ACADVL: variants seen among roughly 807,000 people sequenced by gnomAD.
ACADVL encodes the protein very long-chain acyl-CoA dehydrogenase, mitochondrial.
In ACADVL, 73 loss-of-function variants were observed where a neutral mutation model predicts 80.4. The observed-to-expected ratio is 0.91, with a 90% CI of 0.75 to 1.10. ACADVL has a LOEUF of 1.10. Ranked by LOEUF, ACADVL falls within the 50% of genes least tolerant of loss-of-function variation. ACADVL has a pLI of 0.00. For missense variants in ACADVL, 878 were observed against 858.9 expected, an observed-to-expected ratio of 1.02 and a Z score of -0.28; for synonymous variants, 392 against 326.5, an observed-to-expected ratio of 1.20 and a Z score of -2.16.
Position 7,223,943 on chromosome 17 carries a change from TATA to T in ACADVL, c.1333-22_1333-20del, listed in dbSNP as rs1396789388. ...GGGTAGGCACATCTCAGCACGGGCA[TATA>T]ATTTGTGTGGCCCTGTGCTAGGAAC... On this transcript the variant is annotated intron_variant, in intron 13 of 19. Coordinates refer to ENST00000356839, the MANE Select transcript of ACADVL (RefSeq NM_000018.4). 1.9e-6 allele frequency: 3 copies of T among 1,613,536 alleles called. No individual in the cohort carries two copies. In the East Asian group the frequency reaches 6.7e-5, roughly 36 times the overall value.
At chr17:7,221,515 C>T in intron 6 of ACADVL, 23 bp from the exon 7 acceptor site, 1 of 1,613,924 alleles carries the variant, frequency 6.2e-7, no homozygotes, top group Non-Finnish European at 8.5e-7. Context: ...AGTGACAACC[C>T]CAGATTCCTG....
At chr17:7,217,589 G>C, upstream of ACADVL, 11 of 1,402,070 alleles carry the variant, frequency 7.8e-6, no homozygotes, top group East Asian at 8.2e-5. Flanking sequence ...CAGCGGCCGA[G>C]GGAGCCGTGG....
intron 11 of ACADVL, 93 bp from the exon 12 acceptor site, chr17:7,223,551 G>A: frequency 7.3e-7 from 1 of 1,366,110 alleles, no homozygotes; most frequent in Non-Finnish European, 1.0e-6. Context: ...GACAAGCTAG[G>A]TCAGCCCTTA....
rs1285117129 is a variant in ACADVL, at chr17:7,220,137, G to C, written c.78G>C (p.Ala26=). 2 of 1,558,124 alleles carry C rather than the reference G, an allele frequency of 1.3e-6. No individual in the cohort carries two copies. Among genetic ancestry groups the C allele is most frequent in the Non-Finnish European group, 1.7e-6 (2 of 1,159,404 alleles). The change falls in exon 2 of 20, where the codon GCG becomes GCC. Residue 26 remains alanine (A), a synonymous_variant. Transcript: ENST00000356839. ...RLGGGSSRLT[A]LLGQPRPGPA... ...CTCCCCACAGCTCGCGGCTCACGGC[G>C]CTCCTGGGGCAGCCCCGGCCCGGCC...
rs2142980883 is a variant in ACADVL, at chr17:7,222,864, CGG to C, written c.1077_1077+1del. ...ACCATGAGAGGCATCATTGCTAAGG[CGG>C]TGAGTACCCTGCCCGAGTCCCTAGG... On this transcript the variant is annotated splice_donor_variant and coding_sequence_variant, in exon 10 of 20. Coordinates refer to ENST00000356839, the MANE Select transcript of ACADVL (RefSeq NM_000018.4). LOFTEE classifies it high-confidence loss of function. The C allele has an allele frequency of 2.5e-6, 4 of 1,611,174 alleles. No individual in the cohort carries two copies. The highest frequency in any genetic ancestry group is 1.7e-5 in the Admixed American group (1 of 60,018).
Position 7,224,182 on chromosome 17 carries a change from C to G in ACADVL, c.1471C>G (p.Leu491Val), listed in dbSNP as rs775797560. 6.2e-7 allele frequency: 1 copy of G among 1,614,062 alleles called. No individual in the cohort carries two copies. The highest frequency in any genetic ancestry group is 1.1e-5 in the South Asian group (1 of 91,070). Reference sequence around the variant, plus strand: ...GGAGCTCTCTGGGCTTGGCAGTGCTCTAAAGAATCCCTTTGGGAATGCTGG... The same window carrying G: ...GGAGCTCTCTGGGCTTGGCAGTGCTGTAAAGAATCCCTTTGGGAATGCTGG... ...GKELSGLGSA[L>V]KNPFGNAGLL... The change falls in exon 15 of 20, where the codon CTA becomes GTA. Residue 491 changes from leucine (L) to valine (V), a missense_variant. By Grantham distance (32) the Leu-to-Val change is conservative (BLOSUM62 1). Coordinates refer to ENST00000356839, the MANE Select transcript of ACADVL (RefSeq NM_000018.4).
At chr17:7,223,363 C>A in intron 11 of ACADVL, 126 bp downstream of exon 11, 1 of 949,864 alleles carries the variant, frequency 1.1e-6, no homozygotes, top group Non-Finnish European at 1.7e-6. Context: ...CTAGGGGATG[C>A]GGGGAGGCAT....
upstream of ACADVL, chr17:7,217,360 T>C (rs1597506471): frequency 5.7e-6 from 1 of 175,308 alleles, no homozygotes; most frequent in East Asian, 3.0e-4. Flanking sequence ...TAAAAGGGGC[T>C]CCCCAGTGGA....
rs2071178767 is a variant in ACADVL, at chr17:7,220,896, T to A, written c.343-28T>A. ...GGAGATGTTAAGCTCAAAAGGAGCCTGGATGTGGGATCCTGTGCCTTCCCC... is the reference window on the plus strand; with the variant it reads ...GGAGATGTTAAGCTCAAAAGGAGCCAGGATGTGGGATCCTGTGCCTTCCCC... On this transcript the variant is annotated intron_variant, in intron 5 of 19. Coordinates refer to ENST00000356839, the MANE Select transcript of ACADVL (RefSeq NM_000018.4). 2.5e-6 allele frequency: 4 copies of A among 1,613,950 alleles called. No individual in the cohort carries two copies. The African/African-American group carries it at 5.3e-5, about 22-fold the overall frequency.
At position 7,220,467 on chromosome 17, in the gene ACADVL, G is replaced by GCT. The variant is rs1567560601; in HGVS notation, c.145_146dup (p.Asp50TrpfsTer12). On this transcript the variant is annotated frameshift_variant, in exon 3 of 20. Transcript: ENST00000356839. LOFTEE classifies it high-confidence loss of function. ...TGCTAACCGTCTCTTTTCCCAGCTG[G>GCT]CTCTGGACAAGTCAGATTCCCACCC... 3 of 1,614,214 alleles carry GCT rather than the reference G, an allele frequency of 1.9e-6. No individual in the cohort carries two copies. In the South Asian group the frequency reaches 3.3e-5, roughly 18 times the overall value.
upstream of ACADVL, chr17:7,217,604 G>T: frequency 7.3e-7 from 1 of 1,378,200 alleles, no homozygotes; most frequent in Non-Finnish European, 9.5e-7. Flanking sequence ...CCGTGGAGCC[G>T]AAGAGGGAAG....
upstream of ACADVL, chr17:7,217,205 T>C: frequency 7.9e-7 from 1 of 1,261,514 alleles, no homozygotes; most frequent in South Asian, 3.5e-5. Context: ...GGAGTTTCGT[T>C]CCTCCCCTCC....
At chr17:7,223,530 C>A in intron 11 of ACADVL, 114 bp from the exon 12 acceptor site, 1 of 1,155,874 alleles carries the variant, frequency 8.7e-7, no homozygotes, top group Non-Finnish European at 1.3e-6. Flanking sequence ...GAACAAGTAT[C>A]TGCCTGACCT....
rs761849960 is a variant in ACADVL at position 7,222,733 on chromosome 17, A to G, written c.945A>G (p.Val315=). Residue 315 remains valine, a synonymous_variant, in exon 10 of 20, where the codon GTA becomes GTG. Coordinates refer to ENST00000356839, the MANE Select transcript of ACADVL (RefSeq NM_000018.4). ...SNTAEVFFDG[V]RVPSENVLGE... is the part of the protein sequence containing the mutation. ...CAGCAGAGGTGTTCTTTGATGGAGTACGGGTGCCATCGGAGAACGTGCTGG... is the reference window on the plus strand; with the variant it reads ...CAGCAGAGGTGTTCTTTGATGGAGTGCGGGTGCCATCGGAGAACGTGCTGG... The G allele has an allele frequency of 3.1e-6, 5 of 1,614,102 alleles. No individual in the cohort carries two copies. The East Asian group carries it at 1.1e-4, about 36-fold the overall frequency.
upstream of ACADVL, chr17:7,218,229 C>T: frequency 6.2e-7 from 1 of 1,606,682 alleles, no homozygotes; most frequent in South Asian, 1.1e-5. Context: ...GCGCTCGCCC[C>T]CACCTCCTTA....
upstream of ACADVL, chr17:7,218,405 C>T (rs1394382428): frequency 2.9e-6 from 4 of 1,384,694 alleles, no homozygotes; most frequent in African/African-American, 1.4e-5. Flanking sequence ...CTGGTCCACA[C>T]TCATGGAGGA....
Position 7,224,950 on chromosome 17 carries a change from T to C in ACADVL, c.1828-7T>C. The C allele has an allele frequency of 6.2e-7, 1 of 1,613,858 alleles. No individual in the cohort carries two copies. The highest frequency in any genetic ancestry group is 8.5e-7 in the Non-Finnish European group (1 of 1,179,980). The stretch of plus-strand genomic sequence containing the variant: ...TGCAGGCCCAACCCCTCCTTCCCTC[T>C]CCCCAGGCTGCAGCTCGGATCCGAG... On this transcript the variant is annotated splice_region_variant and splice_polypyrimidine_tract_variant and intron_variant, in intron 19 of 19. Coordinates refer to ENST00000356839, the MANE Select transcript of ACADVL (RefSeq NM_000018.4).
upstream of ACADVL, chr17:7,217,629 G>A (rs1434054355): frequency 2.3e-6 from 3 of 1,318,998 alleles, no homozygotes; most frequent in African/African-American, 3.2e-5. Flanking sequence ...GAGAGGAGGA[G>A]AGAGGAAGCA....
At chr17:7,223,291 G>C in intron 11 of ACADVL, 54 bp downstream of exon 11, 2 of 1,508,914 alleles carry the variant, frequency 1.3e-6, no homozygotes, top group Non-Finnish European at 1.8e-6. Context: ...CTTCCCAGTC[G>C]GGTCAGACTA....
Sources: allele counts gnomAD v4.1 joint callset, GRCh38; gene constraint gnomAD v4.1.1; transcripts MANE v1.5; gene names NCBI Gene and HGNC (gene_info 2026-07-23, HGNC 2026-07-21).